Variants in TENM1 observed in about 807,000 individuals in gnomAD.
TENM1 encodes teneurin transmembrane protein 1.
Under a neutral mutation model 174.8 loss-of-function variants are expected in TENM1, and 35 were observed. That is an observed-to-expected ratio of 0.20 (90% CI 0.15 to 0.27). The LOEUF (loss-of-function observed/expected upper bound fraction) is 0.27, where lower values mean the gene tolerates loss of function less well. TENM1 is among the 10% of genes least tolerant of loss of function. The pLI is 1.00. For synonymous variants in TENM1, 781 were observed against 798.7 expected (o/e 0.98, Z 0.37); for missense variants, 1,633 against 2,130.1 (o/e 0.77, Z 4.59).
At chrX:125,166,470 G>A in the TENM1 span, among the ~76,000 whole-genome samples, 1 of 111,212 alleles carries the variant, frequency 9.0e-6, no homozygotes, top group Non-Finnish European at 1.9e-5. Flanking sequence ...TAACATTTAA[G>A]GACCCAGTTT....
exon 29 of TENM1, chrX:124,385,791 C>G (rs2060210995): frequency 8.3e-7 from 1 of 1,211,465 alleles, no homozygotes. Flanking sequence ...TCATAGAGAA[C>G]CTCAGAAAGC....
intron 15 of TENM1, among the ~76,000 whole-genome samples, chrX:124,534,546 C>T (rs949518374): frequency 6.2e-5 from 7 of 112,219 alleles, no homozygotes; most frequent in African/African-American, 1.9e-4. Context: ...TAATGTCTTT[C>T]GAAAGAAAAC....
At chrX:124,610,460 T>C (rs1442174115) in intron 11 of TENM1, among the ~76,000 whole-genome samples, 2 of 112,231 alleles carry the variant, frequency 1.8e-5, no homozygotes, top group Non-Finnish European at 3.8e-5. Flanking sequence ...AGAAAAGCTA[T>C]GAATTCTACC....
chrX:124,981,956 TAAAAAAAAA>T, the TENM1 span, among the ~76,000 whole-genome samples: 11 of 26,719 alleles, frequency 4.1e-4, 4 homozygotes, highest in African/African-American at 4.1e-3. Context: ...TAGAGTATAA[TAAAAAAAAA>T]AAAAAAAAAA....
chrX:125,084,234 C>T, the TENM1 span, among the ~76,000 whole-genome samples: 2 of 109,993 alleles, frequency 1.8e-5, no homozygotes, highest in Admixed American at 2.0e-4. Context: ...TTTGTCACAC[C>T]TCAACCAGCC....
chrX:124,599,631 AAG>A (rs1213820181), intron 11 of TENM1, among the ~76,000 whole-genome samples: 52 of 111,470 alleles, frequency 4.7e-4, no homozygotes, highest in African/African-American at 1.6e-3. Flanking sequence ...AAACCAGTGA[AAG>A]AGAGTTTTCC....
intron 22 of TENM1, among the ~76,000 whole-genome samples, chrX:124,471,563 A>T (rs867902642): frequency 1.4e-5 from 1 of 71,010 alleles, no homozygotes; most frequent in East Asian, 4.0e-4. Flanking sequence ...TAATTATATA[A>T]TACATCATAA....
chrX:124,850,656 G>A (rs759089192), intron 3 of TENM1, among the ~76,000 whole-genome samples: 10 of 110,995 alleles, frequency 9.0e-5, no homozygotes, highest in Non-Finnish European at 1.7e-4. Context: ...GGCAGAAACG[G>A]TGTCATGATG....
At chrX:124,434,597 T>C (rs751750841) in intron 23 of TENM1, among the ~76,000 whole-genome samples, 1 of 112,480 alleles carries the variant, frequency 8.9e-6, no homozygotes, top group South Asian at 3.7e-4. Context: ...TTCTTGCATC[T>C]CCTCTCTGAA....
intron 28 of TENM1, among the ~76,000 whole-genome samples, chrX:124,391,805 G>A (rs2060284808): frequency 8.9e-6 from 1 of 111,978 alleles, no homozygotes; most frequent in South Asian, 3.7e-4. Flanking sequence ...CAAATGAGGA[G>A]AAAGCTAAGC....
At chrX:124,970,142 T>C in the TENM1 span, among the ~76,000 whole-genome samples, 1 of 111,530 alleles carries the variant, frequency 9.0e-6, no homozygotes, top group Non-Finnish European at 1.9e-5. Flanking sequence ...TCCTCCACTA[T>C]CCTTTTATTT....
intron 11 of TENM1, among the ~76,000 whole-genome samples, chrX:124,609,214 T>C (rs1195979061): frequency 9.0e-6 from 1 of 111,466 alleles, no homozygotes; most frequent in Non-Finnish European, 1.9e-5. Flanking sequence ...AGTTGGCAGA[T>C]CAAATAAGGA....
At position 124,883,241 on chromosome X, in the gene TENM1, C is replaced by T; in HGVS notation, c.535+11055G>A. Among the ~76,000 whole-genome samples, 2 of 111,171 alleles carry T rather than the reference C, an allele frequency of 1.8e-5. 1 individual carries two copies. The highest frequency in any genetic ancestry group is 8.4e-3 in the Middle Eastern group (2 of 238). Reference sequence around the variant, plus strand: ...GGAGGACTTTTTCCTGAACACATACCTATATGTTGGTTGGGTAGAAAATTT... The same window carrying T: ...GGAGGACTTTTTCCTGAACACATACTTATATGTTGGTTGGGTAGAAAATTT... On this transcript the variant is annotated intron_variant, in intron 3 of 31. Coordinates refer to ENST00000422452, the Ensembl canonical transcript of TENM1.
chrX:124,584,559 T>C (rs2049435771), intron 11 of TENM1, among the ~76,000 whole-genome samples: 1 of 111,146 alleles, frequency 9.0e-6, no homozygotes, highest in Non-Finnish European at 1.9e-5. Context: ...AAGGAACAAC[T>C]GGCACCAGCC....
the TENM1 span, among the ~76,000 whole-genome samples, chrX:125,054,871 G>A: frequency 9.0e-6 from 1 of 111,531 alleles, no homozygotes; most frequent in Admixed American, 9.6e-5. Context: ...AAATGTGTGA[G>A]ACAGTTCGGT....
intron 14 of TENM1, among the ~76,000 whole-genome samples, chrX:124,550,463 A>C (rs2148128923): frequency 8.9e-6 from 1 of 112,177 alleles, no homozygotes; most frequent in Non-Finnish European, 1.9e-5. Context: ...CACGTATATT[A>C]TCTCAACAAA....
chrX:124,624,796 GTTAATACATGA>G (rs1417602955), intron 11 of TENM1, among the ~76,000 whole-genome samples: 2 of 112,112 alleles, frequency 1.8e-5, no homozygotes, highest in Non-Finnish European at 3.8e-5. Flanking sequence ...ATATTAGATA[GTTAATACATGA>G]TAGCTATTAT....
chrX:124,713,374 T>C (rs747144750), intron 4 of TENM1, among the ~76,000 whole-genome samples: 59 of 110,872 alleles, frequency 5.3e-4, no homozygotes, highest in African/African-American at 1.9e-3. Flanking sequence ...GTTCAAGCAA[T>C]TCTCCTGCCT....
chrX:124,798,962 T>C (rs1043063543), intron 3 of TENM1, among the ~76,000 whole-genome samples: 1 of 111,772 alleles, frequency 8.9e-6, no homozygotes, highest in African/African-American at 3.3e-5. Flanking sequence ...ACCCCATTGC[T>C]TTTTCTTTTT....
Sources: allele counts gnomAD v4.1 joint callset (sites outside exome capture counted in the v4.1 genomes callset), GRCh38; gene constraint gnomAD v4.1.1; transcripts MANE v1.5; gene names NCBI Gene and HGNC (gene_info 2026-07-23, HGNC 2026-07-21).